The following SGCD variants were observed in gnomAD, a reference collection of about 807,000 sequenced individuals.
The protein encoded by SGCD is delta-sarcoglycan.
In SGCD, 18 loss-of-function variants were observed where a neutral mutation model predicts 36.6. That is an observed-to-expected ratio of 0.49 (90% CI 0.34 to 0.73). SGCD has a LOEUF of 0.73. SGCD is among the 30% of genes least tolerant of loss of function. SGCD has a pLI of 0.01. For missense variants in SGCD, 387 were observed against 346.7 expected, an observed-to-expected ratio of 1.12 and a Z score of -0.92; for synonymous variants, 133 against 130.6, an observed-to-expected ratio of 1.02 and a Z score of -0.12.
At chr5:156,014,572 A>G (rs1461650319) in intron 1 of SGCD, among the ~76,000 whole-genome samples, 2 of 152,110 alleles carry the variant, frequency 1.3e-5, no homozygotes, top group East Asian at 3.8e-4. Context: ...CTCTTATACA[A>G]TCTTAGTAAA....
At chr5:156,749,550 A>C (rs1346060156) in intron 7 of SGCD, among the ~76,000 whole-genome samples, 1 of 152,192 alleles carries the variant, frequency 6.6e-6, no homozygotes, top group East Asian at 1.9e-4. Context: ...TGTGGGACAA[A>C]AAAAAGACAG....
At chr5:156,717,020 A>T (rs1755254454) in intron 7 of SGCD, among the ~76,000 whole-genome samples, 1 of 152,230 alleles carries the variant, frequency 6.6e-6, no homozygotes. Flanking sequence ...TTATGTAGTG[A>T]GATTTAATAT....
intron 1 of SGCD, among the ~76,000 whole-genome samples, chr5:156,008,499 T>C (rs1263392604): frequency 6.6e-6 from 1 of 152,146 alleles, no homozygotes; most frequent in African/African-American, 2.4e-5. Context: ...CCTTAGCCTA[T>C]TGAGTTCCTA....
chr5:156,233,217 C>T (rs725590), intron 3 of SGCD, among the ~76,000 whole-genome samples: 2 of 151,574 alleles, frequency 1.3e-5, no homozygotes, highest in Non-Finnish European at 1.5e-5. Context: ...TTGTAAAATA[C>T]TAAGATTTGC....
intron 3 of SGCD, among the ~76,000 whole-genome samples, chr5:156,499,189 C>A (rs1028061343): frequency 6.6e-6 from 1 of 152,012 alleles, no homozygotes; most frequent in African/African-American, 2.4e-5. Flanking sequence ...TAGTGCCTAC[C>A]CTTTTTAGTT....
chr5:156,303,485 G>A (rs958534385), intron 3 of SGCD, among the ~76,000 whole-genome samples: 1 of 151,874 alleles, frequency 6.6e-6, no homozygotes, highest in African/African-American at 2.4e-5. Flanking sequence ...TGGCTAATCT[G>A]GTTCCCAAGC....
At chr5:156,582,858 G>A (rs1428635030) in intron 4 of SGCD, among the ~76,000 whole-genome samples, 1 of 152,098 alleles carries the variant, frequency 6.6e-6, no homozygotes, top group Non-Finnish European at 1.5e-5. Context: ...CACAGTAGGA[G>A]AACCACTGAT....
chr5:156,749,116 T>A (rs1021002851), intron 7 of SGCD, among the ~76,000 whole-genome samples: 7 of 152,116 alleles, frequency 4.6e-5, no homozygotes, highest in Non-Finnish European at 1.0e-4. Flanking sequence ...ATTATAAGAT[T>A]GTCAGTTCAA....
chr5:156,727,854 T>G (rs138160987), intron 7 of SGCD, among the ~76,000 whole-genome samples: 1 of 152,230 alleles, frequency 6.6e-6, no homozygotes, highest in African/African-American at 2.4e-5. Flanking sequence ...TTATTTTCAA[T>G]GTAAAGTACA....
At chr5:156,303,504 A>G (rs1459715711) in intron 3 of SGCD, among the ~76,000 whole-genome samples, 1 of 151,934 alleles carries the variant, frequency 6.6e-6, no homozygotes, top group African/African-American at 2.4e-5. Context: ...GCTGCAAGAC[A>G]AAGTCTCCTT....
intron 3 of SGCD, among the ~76,000 whole-genome samples, chr5:156,176,361 T>A (rs1226785703): frequency 3.3e-5 from 5 of 152,132 alleles, no homozygotes; most frequent in Admixed American, 1.3e-4. Context: ...ACTATAGATA[T>A]GAAGAATGGG....
At chr5:156,244,112 A>G (rs1025883617) in intron 3 of SGCD, among the ~76,000 whole-genome samples, 2 of 152,346 alleles carry the variant, frequency 1.3e-5, no homozygotes, top group South Asian at 4.1e-4. Flanking sequence ...GGTAAAATGC[A>G]GTAAGAAGAG....
intron 3 of SGCD, among the ~76,000 whole-genome samples, chr5:156,252,804 A>G (rs1357241561): frequency 6.6e-6 from 1 of 152,204 alleles, no homozygotes; most frequent in African/African-American, 2.4e-5. Context: ...TTGAAAGTCC[A>G]GGAAGATGCA....
chr5:155,842,557 G>A, the SGCD span, among the ~76,000 whole-genome samples: 1 of 151,796 alleles, frequency 6.6e-6, no homozygotes, highest in Non-Finnish European at 1.5e-5. Flanking sequence ...TCACGACAGA[G>A]TGAGACTCCA....
chr5:156,486,404 C>G lies in SGCD; in HGVS notation c.193-22197C>G, dbSNP rs549015228. Reference sequence around the variant, plus strand: ...GAAGCCAGTGCCACTGATAACAACCCTGCCTCCTGCAGTAGCAGAGCTGTT... The same window carrying G: ...GAAGCCAGTGCCACTGATAACAACCGTGCCTCCTGCAGTAGCAGAGCTGTT... On this transcript the variant is annotated intron_variant, in intron 3 of 8. Transcript: ENST00000337851. Among the ~76,000 whole-genome samples the G allele has an allele frequency of 1.4e-4, 21 of 152,258 alleles. No individual in the cohort carries two copies. In the South Asian group the frequency reaches 4.3e-3, roughly 32 times the overall value.
intron 4 of SGCD, among the ~76,000 whole-genome samples, chr5:156,541,135 G>A (rs1758333575): frequency 6.6e-6 from 1 of 152,134 alleles, no homozygotes; most frequent in African/African-American, 2.4e-5. Context: ...CAAAGCACTT[G>A]CTGTCTATGC....
chr5:155,962,050 TA>T (rs1407264579), intron 1 of SGCD, among the ~76,000 whole-genome samples: 1 of 152,002 alleles, frequency 6.6e-6, no homozygotes, highest in Admixed American at 6.6e-5. Context: ...TTGCAACATC[TA>T]ATGGGGTAGG....
the SGCD span, among the ~76,000 whole-genome samples, chr5:155,795,650 T>G: frequency 0.86 from 131,178 of 152,036 alleles, 56,712 homozygotes; most frequent in East Asian, 0.99. Flanking sequence ...ACAATAATAG[T>G]TCAATAATCT....
intron 3 of SGCD, among the ~76,000 whole-genome samples, chr5:156,281,692 GT>G (rs1421217814): frequency 6.6e-6 from 1 of 152,076 alleles, no homozygotes; most frequent in African/African-American, 2.4e-5. Flanking sequence ...AAAATATCAG[GT>G]GTAAATAATA....
Sources: gnomAD v4.1 joint callset for allele counts (sites outside exome capture counted in the v4.1 genomes callset) on GRCh38, gnomAD v4.1.1 for gene constraint, MANE v1.5 for transcripts, NCBI Gene and HGNC (gene_info 2026-07-23, HGNC 2026-07-21) for gene names.